The following AMPH variants were observed in gnomAD, a reference collection of about 807,000 sequenced individuals.
AMPH encodes amphiphysin, also known as amphiphysin (Stiff-Mann syndrome with breast cancer 128kD autoantigen).
AMPH carries 49 observed loss-of-function variants against 99.1 expected under a neutral mutation model. That is an observed-to-expected ratio of 0.49 (90% CI 0.39 to 0.63). The LOEUF (loss-of-function observed/expected upper bound fraction) is 0.63. AMPH is among the 20% of genes least tolerant of loss of function. The pLI is 0.00. For synonymous variants in AMPH, 314 were observed against 317.3 expected, an observed-to-expected ratio of 0.99 and a Z score of 0.11; for missense variants, 759 against 863.4, an observed-to-expected ratio of 0.88 and a Z score of 1.52.
intron 11 of AMPH, among the ~76,000 whole-genome samples, chr7:38,438,953 A>T (rs898433189): frequency 6.6e-6 from 1 of 152,208 alleles, no homozygotes; most frequent in African/African-American, 2.4e-5. Flanking sequence ...CTCAAATATC[A>T]TTCAGATTGT....
At chr7:38,593,483 G>A (rs1306945428) in intron 1 of AMPH, among the ~76,000 whole-genome samples, 2 of 152,220 alleles carry the variant, frequency 1.3e-5, no homozygotes, top group Admixed American at 1.3e-4. Context: ...CTTACATTAA[G>A]TCAAATGAAA....
intron 11 of AMPH, among the ~76,000 whole-genome samples, chr7:38,456,834 T>G (rs1173583963): frequency 1.3e-5 from 2 of 152,226 alleles, no homozygotes; most frequent in East Asian, 3.9e-4. Context: ...TAACCCACAT[T>G]GGAGCCAAGC....
intron 11 of AMPH, among the ~76,000 whole-genome samples, chr7:38,442,888 G>C (rs900181251): frequency 2.0e-5 from 3 of 148,974 alleles, no homozygotes; most frequent in African/African-American, 7.3e-5. Flanking sequence ...AAGACAGAGT[G>C]AGAACAAGAA....
At position 38,407,021 on chromosome 7, in the gene AMPH, C is replaced by CCTCTCTCTCTCTCTCTCTCTCT. The variant is rs71558121; in HGVS notation, c.1398+10782_1398+10803dup. Among the ~76,000 whole-genome samples, 11 of 3,708 alleles carry CCTCTCTCTCTCTCTCTCTCTCT rather than the reference C, an allele frequency of 3.0e-3. 2 individuals carry two copies. The East Asian group carries it at 0.038, about 13-fold the overall frequency. The allele number at this position is 3,708 out of a possible 152,430, so 2.4% of individuals were successfully genotyped here. On this transcript the variant is annotated intron_variant, in intron 17 of 20. Coordinates refer to ENST00000356264, the MANE Select transcript of AMPH (RefSeq NM_001635.4). Reference sequence around the variant, plus strand: ...ATAAGCCAATTTTCCCTAATAGACTCCTCTCTCTCTCTCTCTCTCTCTCTC... The same window carrying CCTCTCTCTCTCTCTCTCTCTCT: ...ATAAGCCAATTTTCCCTAATAGACTCCTCTCTCTCTCTCTCTCTCTCTCTCTCTCTCTCTCTCTCTCTCTCTC...
chr7:38,411,316 T>C (rs1460193449), intron 17 of AMPH, among the ~76,000 whole-genome samples: 1 of 152,218 alleles, frequency 6.6e-6, no homozygotes, highest in South Asian at 2.1e-4. Flanking sequence ...TACTCCTTCA[T>C]TTCAGGACAC....
At chr7:38,417,797 T>C (rs781391518) in intron 17 of AMPH, 28 bp downstream of exon 17, 3 of 1,612,116 alleles carry the variant, frequency 1.9e-6, no homozygotes. Flanking sequence ...GCGAGGCAGA[T>C]GGAGGGTGAG....
At chr7:38,436,421 A>C in intron 11 of AMPH, 33 bp from the exon 12 acceptor site, 4 of 1,487,232 alleles carry the variant, frequency 2.7e-6, no homozygotes, top group Non-Finnish European at 3.8e-6. Context: ...AAAATAAAAC[A>C]TGTATTAGCT....
intron 18 of AMPH, among the ~76,000 whole-genome samples, chr7:38,393,687 C>T (rs1428227604): frequency 6.6e-6 from 1 of 152,186 alleles, no homozygotes; most frequent in Non-Finnish European, 1.5e-5. Flanking sequence ...CATTCTCTTT[C>T]TCCCGGCTCC....
intron 1 of AMPH, among the ~76,000 whole-genome samples, chr7:38,581,350 G>A (rs572412173): frequency 6.6e-6 from 1 of 152,268 alleles, no homozygotes; most frequent in African/African-American, 2.4e-5. Flanking sequence ...CGACAACAGA[G>A]TGAACCCTCC....
At chr7:38,393,073 T>C (rs987682605) in intron 18 of AMPH, among the ~76,000 whole-genome samples, 3 of 152,152 alleles carry the variant, frequency 2.0e-5, no homozygotes, top group Admixed American at 2.0e-4. Context: ...ATTCGTCAAC[T>C]TGGAGAGATA....
intron 9 of AMPH, among the ~76,000 whole-genome samples, chr7:38,463,805 G>A (rs1787547916): frequency 6.6e-6 from 1 of 152,206 alleles, no homozygotes; most frequent in Non-Finnish European, 1.5e-5. Context: ...GCGGCCAGAC[G>A]CTCGGGAACA....
intron 5 of AMPH, among the ~76,000 whole-genome samples, chr7:38,488,979 G>A (rs1788617671): frequency 3.3e-4 from 1 of 3,052 alleles, no homozygotes. Flanking sequence ...ATTTTTAACA[G>A]AAAGTTTTTT....
intron 1 of AMPH, among the ~76,000 whole-genome samples, chr7:38,594,137 ATGGTGCCC>A (rs1366147779): frequency 1.3e-5 from 2 of 152,094 alleles, no homozygotes; most frequent in African/African-American, 4.8e-5. Flanking sequence ...GTAAGAGATG[ATGGTGCCC>A]TGGGTCAGAG....
intron 1 of AMPH, among the ~76,000 whole-genome samples, chr7:38,578,568 C>A (rs1792330317): frequency 6.6e-6 from 1 of 152,044 alleles, no homozygotes; most frequent in Non-Finnish European, 1.5e-5. Flanking sequence ...TTGAGAACAG[C>A]CTGGGTAACA....
At chr7:38,408,849 G>T (rs1785135289) in intron 17 of AMPH, among the ~76,000 whole-genome samples, 1 of 146,992 alleles carries the variant, frequency 6.8e-6, no homozygotes, top group East Asian at 2.0e-4. Context: ...TTTCATTTTT[G>T]TCCTGTGGAT....
At chr7:38,406,719 T>TCCTCTC (rs200108617) in intron 17 of AMPH, among the ~76,000 whole-genome samples, 4 of 117,828 alleles carry the variant, frequency 3.4e-5, no homozygotes, top group Non-Finnish European at 5.3e-5. Flanking sequence ...CTCTCCTCTC[T>TCCTCTC]CTCTCCCTTT....
At chr7:38,581,347 AG>A (rs1355090391) in intron 1 of AMPH, among the ~76,000 whole-genome samples, 13 of 152,166 alleles carry the variant, frequency 8.5e-5, no homozygotes, top group African/African-American at 2.9e-4. Context: ...GGTCGACAAC[AG>A]AGTGAACCCT....
intron 11 of AMPH, among the ~76,000 whole-genome samples, chr7:38,450,742 G>A (rs1431179616): frequency 6.6e-6 from 1 of 152,122 alleles, no homozygotes; most frequent in Non-Finnish European, 1.5e-5. Context: ...GAATGTTGCT[G>A]ATAAGCTTAT....
intron 11 of AMPH, among the ~76,000 whole-genome samples, chr7:38,445,103 TTAGA>T (rs969062390): frequency 8.0e-5 from 12 of 150,008 alleles, no homozygotes; most frequent in Admixed American, 3.3e-4. Context: ...TACATATATA[TTAGA>T]TAGATAGATA....
Sources: gnomAD v4.1 joint callset for allele counts (sites outside exome capture counted in the v4.1 genomes callset) on GRCh38, gnomAD v4.1.1 for gene constraint, MANE v1.5 for transcripts, NCBI Gene and HGNC (gene_info 2026-07-23, HGNC 2026-07-21) for gene names.